The following SUPT3H variants were observed in gnomAD, a reference collection of about 807,000 sequenced individuals.
The protein encoded by SUPT3H is transcription initiation protein SPT3 homolog.
A neutral mutation model predicts 44.3 loss-of-function variants in SUPT3H; 44 were observed. That is an observed-to-expected ratio of 0.99 (90% CI 0.78 to 1.28). The LOEUF is 1.28. Among genes scored for constraint, SUPT3H ranks in the 50% most tolerant of loss-of-function variants. The probability of loss-of-function intolerance (pLI) is 0.00; values close to 1 mark genes in which losing one functional copy is unlikely to be tolerated. For synonymous variants in SUPT3H, 124 were observed against 125.6 expected (o/e 0.99, Z 0.09); for missense variants, 380 against 387.1 (o/e 0.98, Z 0.15).
At chr6:45,149,889 T>A (rs903939629) in intron 2 of SUPT3H, among the ~76,000 whole-genome samples, 1 of 152,186 alleles carries the variant, frequency 6.6e-6, no homozygotes, top group Non-Finnish European at 1.5e-5. Context: ...CTTGGCCTTT[T>A]GGCTAAGATC....
chr6:44,985,444 G>A (rs950583969), intron 6 of SUPT3H, among the ~76,000 whole-genome samples: 8 of 151,758 alleles, frequency 5.3e-5, no homozygotes, highest in South Asian at 2.1e-4. Context: ...TCATAAATAC[G>A]TTGTATCCTA....
chr6:45,302,793 A>G (rs1353797860), intron 2 of SUPT3H, among the ~76,000 whole-genome samples: 1 of 152,126 alleles, frequency 6.6e-6, no homozygotes, highest in African/African-American at 2.4e-5. Flanking sequence ...GTACTAGTTT[A>G]CATTCCCAAC....
intron 2 of SUPT3H, among the ~76,000 whole-genome samples, chr6:45,241,387 C>T (rs1026052890): frequency 6.6e-6 from 1 of 152,192 alleles, no homozygotes; most frequent in African/African-American, 2.4e-5. Context: ...CGTTCTTAAA[C>T]CACAAATAAT....
At chr6:45,291,725 C>T (rs989933701) in intron 2 of SUPT3H, among the ~76,000 whole-genome samples, 6 of 152,134 alleles carry the variant, frequency 3.9e-5, no homozygotes, top group African/African-American at 9.7e-5. Flanking sequence ...TTCTAATTCA[C>T]AAACTCCAAC....
At chr6:45,217,313 A>G (rs1765220768) in intron 2 of SUPT3H, among the ~76,000 whole-genome samples, 1 of 151,800 alleles carries the variant, frequency 6.6e-6, no homozygotes, top group Admixed American at 6.6e-5. Flanking sequence ...CATCTCTACT[A>G]AAACTACAAA....
chr6:45,060,217 C>A (rs1417805422), intron 3 of SUPT3H, among the ~76,000 whole-genome samples: 1 of 152,010 alleles, frequency 6.6e-6, no homozygotes, highest in African/African-American at 2.4e-5. Flanking sequence ...GATACAGTAA[C>A]CAAAACAGCA....
chr6:45,333,697 A>T (rs1166859418), intron 2 of SUPT3H, among the ~76,000 whole-genome samples: 1 of 151,364 alleles, frequency 6.6e-6, no homozygotes, highest in Admixed American at 6.6e-5. Flanking sequence ...CCCAAATAAG[A>T]TGAGCTGTAG....
At chr6:45,238,882 A>G (rs1452944157) in intron 2 of SUPT3H, among the ~76,000 whole-genome samples, 2 of 152,204 alleles carry the variant, frequency 1.3e-5, no homozygotes, top group East Asian at 3.9e-4. Flanking sequence ...GGTATTCTCC[A>G]TAGTCATTTT....
At chr6:45,188,789 T>C (rs561643649) in intron 2 of SUPT3H, among the ~76,000 whole-genome samples, 1 of 152,200 alleles carries the variant, frequency 6.6e-6, no homozygotes, top group Non-Finnish European at 1.5e-5. Context: ...ACTGTACTCA[T>C]TGTGTACCTC....
chr6:45,110,065 C>T (rs1799826137), intron 2 of SUPT3H, among the ~76,000 whole-genome samples: 1 of 152,176 alleles, frequency 6.6e-6, no homozygotes, highest in Admixed American at 6.5e-5. Flanking sequence ...TGCTATAACA[C>T]ACAACCCTCC....
intron 10 of SUPT3H, among the ~76,000 whole-genome samples, chr6:44,849,631 G>A (rs1243237445): frequency 6.6e-6 from 1 of 152,180 alleles, no homozygotes; most frequent in Admixed American, 6.5e-5. Flanking sequence ...AGTCTTGCAG[G>A]AAGACAAGGA....
At chr6:45,167,406 A>G (rs571519711) in intron 2 of SUPT3H, among the ~76,000 whole-genome samples, 12 of 152,216 alleles carry the variant, frequency 7.9e-5, no homozygotes, top group Non-Finnish European at 1.8e-4. Context: ...TTTCCTGTGA[A>G]GTTGCTAGAA....
intron 5 of SUPT3H, among the ~76,000 whole-genome samples, chr6:45,007,134 C>T (rs1222425884): frequency 6.6e-6 from 1 of 152,116 alleles, no homozygotes; most frequent in South Asian, 2.1e-4. Context: ...TGCCTTCTAG[C>T]TTCCGGTGTT....
At chr6:45,275,549 G>A (rs1263802559) in intron 2 of SUPT3H, among the ~76,000 whole-genome samples, 1 of 152,154 alleles carries the variant, frequency 6.6e-6, no homozygotes, top group Non-Finnish European at 1.5e-5. Flanking sequence ...AGACTAAGAA[G>A]ATAGAATATT....
At chr6:45,334,883 T>C (rs1268645151) in intron 2 of SUPT3H, among the ~76,000 whole-genome samples, 2 of 151,292 alleles carry the variant, frequency 1.3e-5, no homozygotes, top group Non-Finnish European at 3.0e-5. Context: ...ATTAGGCATC[T>C]ACTAGGAATT....
intron 2 of SUPT3H, among the ~76,000 whole-genome samples, chr6:45,142,764 A>AAAAAAAAAAAAAAAAAT (rs1805441110): frequency 7.9e-6 from 1 of 127,034 alleles, no homozygotes; most frequent in Non-Finnish European, 1.7e-5. Flanking sequence ...AAAAAAAAAA[A>AAAAAAAAAAAAAAAAAT]GCAGAATGGC....
intron 3 of SUPT3H, among the ~76,000 whole-genome samples, chr6:45,053,531 AT>A (rs1790635486): frequency 6.6e-6 from 1 of 151,884 alleles, no homozygotes; most frequent in African/African-American, 2.4e-5. Context: ...AATTGAGAAA[AT>A]AGCAGAGGCA....
At chr6:45,267,790 A>T (rs1775501230) in intron 2 of SUPT3H, among the ~76,000 whole-genome samples, 1 of 152,054 alleles carries the variant, frequency 6.6e-6, no homozygotes, top group Admixed American at 6.6e-5. Context: ...TGGAGACACC[A>T]CCATCACCAA....
chr6:45,097,603 T>C (rs1797969179), intron 3 of SUPT3H: 1 of 152,226 alleles, frequency 6.6e-6, no homozygotes, highest in Non-Finnish European at 1.5e-5. Flanking sequence ...AGATCCACTG[T>C]TACAATTACA....
Sources: allele counts gnomAD v4.1 joint callset (sites outside exome capture counted in the v4.1 genomes callset), GRCh38; gene constraint gnomAD v4.1.1; transcripts MANE v1.5; gene names NCBI Gene and HGNC (gene_info 2026-07-23, HGNC 2026-07-21).